ZCCHC4: variants seen among roughly 807,000 people sequenced by gnomAD.
ZCCHC4 encodes the protein rRNA N(6)-adenosine-methyltransferase ZCCHC4.
ZCCHC4 carries 54 observed loss-of-function variants against 67.7 expected under a neutral mutation model. The observed-to-expected ratio is 0.80, with a 90% confidence interval of 0.64 to 1.00. The LOEUF (loss-of-function observed/expected upper bound fraction) is 1.00. ZCCHC4 is among the 50% of genes least tolerant of loss of function. The pLI is 0.00. For synonymous variants in ZCCHC4, 198 were observed against 213.5 expected (o/e 0.93, Z 0.63); for missense variants, 609 against 617.0 (o/e 0.99, Z 0.14).
At chr4:25,329,679 C>T (rs576221645) in intron 3 of ZCCHC4, among the ~76,000 whole-genome samples, 69 of 151,564 alleles carry the variant, frequency 4.6e-4, no homozygotes, top group African/African-American at 8.2e-4. Flanking sequence ...GGACTATAGG[C>T]GCATGCCACC....
chr4:25,346,380 A>C (rs1359260980), intron 6 of ZCCHC4, among the ~76,000 whole-genome samples: 5 of 152,212 alleles, frequency 3.3e-5, no homozygotes, highest in African/African-American at 1.2e-4. Flanking sequence ...ATCTGTAACC[A>C]ACCAAGTAAT....
intron 8 of ZCCHC4, among the ~76,000 whole-genome samples, chr4:25,358,571 A>G (rs1057336493): frequency 5.3e-5 from 8 of 152,266 alleles, no homozygotes; most frequent in African/African-American, 1.2e-4. Flanking sequence ...TTACTGCTAC[A>G]GAAGCTGTTG....
chr4:25,349,539 A>C lies in ZCCHC4; in HGVS notation c.807A>C (p.Glu269Asp). 6.2e-7 allele frequency: 1 copy of C among 1,614,048 alleles called. No individual in the cohort carries two copies. The highest frequency in any genetic ancestry group is 8.5e-7 in the Non-Finnish European group (1 of 1,179,930). The stretch of plus-strand genomic sequence containing the variant: ...CATTTTTACAGGAAGATAAAGGCGA[A>C]GGAATCATTATGGTGACGGATCCTC... ...CRAFLQEDKG[E>D]GIIMVTDPPF... Residue 269 changes from glutamate to aspartate, a missense_variant, in exon 7 of 13, where the codon GAA becomes GAC. Transcript: ENST00000302874.
intron 7 of ZCCHC4, 114 bp downstream of exon 7, chr4:25,349,756 CTT>C: frequency 8.9e-7 from 1 of 1,121,258 alleles, no homozygotes; most frequent in Non-Finnish European, 1.3e-6. Flanking sequence ...CTTGAGTTCT[CTT>C]TTTAAAAACA....
intron 3 of ZCCHC4, among the ~76,000 whole-genome samples, chr4:25,332,929 A>G (rs1342218494): frequency 6.6e-6 from 1 of 152,172 alleles, no homozygotes; most frequent in African/African-American, 2.4e-5. Flanking sequence ...TTTTAAATGG[A>G]TATTGATCTT....
At chr4:25,325,811 T>C (rs1461947060) in intron 3 of ZCCHC4, among the ~76,000 whole-genome samples, 1 of 152,224 alleles carries the variant, frequency 6.6e-6, no homozygotes, top group Non-Finnish European at 1.5e-5. Flanking sequence ...GTTAGGTCTA[T>C]GATCTATTCG....
chr4:25,352,622 G>A (rs913780835), intron 8 of ZCCHC4: 4 of 158,556 alleles, frequency 2.5e-5, no homozygotes, highest in African/African-American at 9.6e-5. Context: ...TGCCATGTTG[G>A]CCAGGCTGGT....
intron 5 of ZCCHC4, among the ~76,000 whole-genome samples, chr4:25,340,191 A>C (rs1217656181): frequency 6.6e-6 from 1 of 152,034 alleles, no homozygotes; most frequent in Non-Finnish European, 1.5e-5. Flanking sequence ...TTATTGTATG[A>C]GGTAGGGGTC....
intron 2 of ZCCHC4, among the ~76,000 whole-genome samples, chr4:25,314,839 TA>T (rs1039991496): frequency 1.3e-4 from 20 of 152,304 alleles, no homozygotes; most frequent in African/African-American, 4.8e-4. Context: ...CAGAAAGTGT[TA>T]AAAAACACTT....
chr4:25,342,944 T>G (rs1389005429), intron 5 of ZCCHC4, among the ~76,000 whole-genome samples: 2 of 152,216 alleles, frequency 1.3e-5, no homozygotes, highest in Non-Finnish European at 2.9e-5. Context: ...TCAAATTTCC[T>G]TTTTCTAATT....
intron 7 of ZCCHC4, 97 bp downstream of exon 7, chr4:25,349,739 T>C (rs1485378705): frequency 7.8e-7 from 1 of 1,287,824 alleles, no homozygotes; most frequent in Non-Finnish European, 1.1e-6. Context: ...TGATAGAATA[T>C]ACATGTCTTG....
At chr4:25,354,055 G>A (rs1012196174) in intron 8 of ZCCHC4, among the ~76,000 whole-genome samples, 25 of 152,104 alleles carry the variant, frequency 1.6e-4, no homozygotes, top group African/African-American at 5.8e-4. Flanking sequence ...AATTACTTTT[G>A]CACCAACCTA....
chr4:25,325,754 A>G (rs535017837), intron 3 of ZCCHC4, among the ~76,000 whole-genome samples: 83 of 152,002 alleles, frequency 5.5e-4, no homozygotes, highest in African/African-American at 2.0e-3. Flanking sequence ...AGTCATTATT[A>G]TTTTCTAATA....
At chr4:25,339,932 C>T (rs10013923) in intron 5 of ZCCHC4, among the ~76,000 whole-genome samples, 10,936 of 151,218 alleles carry the variant, frequency 0.072, 449 homozygotes, top group South Asian at 0.099. Context: ...TGCAGTGGCA[C>T]ATCTTGGCTC....
At chr4:25,365,450 G>A in intron 12 of ZCCHC4, 6 of 1,143,168 alleles carry the variant, frequency 5.2e-6, no homozygotes, top group Non-Finnish European at 6.5e-6. Context: ...CATGTGTAAA[G>A]TTATAGGGGG....
At chr4:25,340,926 C>A (rs1305374032) in intron 5 of ZCCHC4, among the ~76,000 whole-genome samples, 2 of 152,120 alleles carry the variant, frequency 1.3e-5, no homozygotes, top group African/African-American at 4.8e-5. Flanking sequence ...TCTTCCTCCT[C>A]CTAAGTCTGC....
At chr4:25,327,875 A>G (rs1480793583) in intron 3 of ZCCHC4, among the ~76,000 whole-genome samples, 3 of 152,184 alleles carry the variant, frequency 2.0e-5, no homozygotes, top group Admixed American at 2.0e-4. Flanking sequence ...AAAGCCTGTT[A>G]ATATGAATTA....
At chr4:25,345,525 A>G in intron 5 of ZCCHC4, 23 bp from the exon 6 acceptor site, 1 of 1,320,638 alleles carries the variant, frequency 7.6e-7, no homozygotes, top group South Asian at 1.2e-5. Flanking sequence ...GACTGGGCAA[A>G]TAACTCTGTA....
chr4:25,348,807 G>A (rs1720145177), intron 6 of ZCCHC4, among the ~76,000 whole-genome samples: 1 of 152,070 alleles, frequency 6.6e-6, no homozygotes, highest in Non-Finnish European at 1.5e-5. Flanking sequence ...CTGTTATATG[G>A]TATCTCTTAA....
Sources: gnomAD v4.1 joint callset for allele counts (sites outside exome capture counted in the v4.1 genomes callset) on GRCh38, gnomAD v4.1.1 for gene constraint, MANE v1.5 for transcripts, NCBI Gene and HGNC (gene_info 2026-07-23, HGNC 2026-07-21) for gene names.